Variants in FASTKD3 observed in about 807,000 individuals in gnomAD.
FASTKD3 encodes the protein FAST kinase domains 3.
Under a neutral mutation model 49.7 loss-of-function variants are expected in FASTKD3, and 47 were observed. That is an observed-to-expected ratio of 0.95 (90% CI 0.75 to 1.21). The LOEUF is 1.21. Among genes scored for constraint, FASTKD3 ranks in the 50% most tolerant of loss-of-function variants. FASTKD3 has a pLI of 0.00. For missense variants in FASTKD3, 748 were observed against 765.7 expected (o/e 0.98, Z 0.27); for synonymous variants, 284 against 288.6 (o/e 0.98, Z 0.16).
rs151272495 is a variant in FASTKD3, at chr5:7,866,749, G to C, written c.1335C>G (p.Pro445=). The C allele has an allele frequency of 1.1e-4, 171 of 1,613,854 alleles. No individual in the cohort carries two copies. In the African/African-American group the frequency reaches 1.6e-3, roughly 15 times the overall value. ...AATGAAGAAGTTTCAATAATGATTT[G>C]GGTGGAAAATAATTGAAATGAGTGA... ...VLFTHFNYFP[P]KSLLKLLHSC... is the part of the protein sequence containing the mutation. The change falls in exon 2 of 7, where the codon CCC becomes CCG. Residue 445 remains proline, a synonymous_variant. Transcript: ENST00000264669.
At chr5:7,860,248 C>T (rs1056216084) in intron 6 of FASTKD3, among the ~76,000 whole-genome samples, 6 of 152,174 alleles carry the variant, frequency 3.9e-5, no homozygotes, top group African/African-American at 1.4e-4. Context: ...GATATGAAAC[C>T]ACAGTGCTGC....
At position 7,867,921 on chromosome 5, in the gene FASTKD3, C is replaced by T. The variant is rs140095335; in HGVS notation, c.163G>A (p.Val55Ile). The T allele has an allele frequency of 1.9e-6, 3 of 1,614,072 alleles. No individual in the cohort carries two copies. The highest frequency in any genetic ancestry group is 2.5e-6 in the Non-Finnish European group (3 of 1,180,008). The change falls in exon 2 of 7, where the codon GTC (valine) becomes ATC (isoleucine). Residue 55 changes from valine (V) to isoleucine (I), a missense_variant. Val to Ile is a conservative substitution (Grantham distance 29). This residue lies in a region of FASTKD3 where 564 missense variants were observed against 562.8 expected (regional missense o/e 1.00). Coordinates refer to ENST00000264669, the MANE Select transcript of FASTKD3 (RefSeq NM_024091.4). The part of the protein sequence containing the change: ...LCSRQPEPFG[V>I]KFHHAHCKKF... The stretch of plus-strand genomic sequence containing the variant: ...TTACAATGGGCATGATGGAATTTGA[C>T]CCCGAAAGGCTCAGGTTGTCGTGAA...
At chr5:7,859,650 C>A in intron 6 of FASTKD3, 111 bp from the exon 7 acceptor site, 1 of 636,726 alleles carries the variant, frequency 1.6e-6, no homozygotes, top group Non-Finnish European at 2.6e-6. Context: ...GGAATGTAAG[C>A]TCCTGGAAGG....
Position 7,869,003 on chromosome 5 carries a change from G to C in FASTKD3, c.-138C>G. On this transcript the variant is annotated 5_prime_UTR_variant, in exon 1 of 7. Transcript: ENST00000264669. ...CCGCGCTCTGCCGGGCAATCACTCC[G>C]GGTGGTCGCGGAAGCGCCTGGGCGT... 2 of 1,044,052 alleles carry C rather than the reference G, an allele frequency of 1.9e-6. No individual in the cohort carries two copies. The highest frequency in any genetic ancestry group is 1.5e-6 in the Non-Finnish European group (1 of 672,562). 64.7% of individuals were successfully genotyped at this position (1,044,052 alleles called of 1,614,324 possible). A position where few individuals can be genotyped will look rare whatever the true frequency, so the allele number is the denominator to read the frequency against.
chr5:7,863,807 C>T (rs893325095), intron 3 of FASTKD3, among the ~76,000 whole-genome samples: 2 of 152,074 alleles, frequency 1.3e-5, no homozygotes, highest in African/African-American at 2.4e-5. Context: ...TGATTGCGTG[C>T]TTGAAAATGG....
Position 7,867,858 on chromosome 5 carries a change from G to A in FASTKD3, c.226C>T (p.Leu76Phe), listed in dbSNP as rs1747131161. 6.2e-7 allele frequency: 1 copy of A among 1,614,194 alleles called. No homozygotes were observed. The highest frequency in any genetic ancestry group is 8.5e-7 in the Non-Finnish European group (1 of 1,180,036). ...HSKNGNDLHP[L>F]GGPVFSQVSD... is the part of the protein sequence containing the mutation. Reference sequence around the variant, plus strand: ...ACTTGAGAGAACACTGGTCCACCGAGTGGATGAAGGTCATTTCCATTTTTC... The same window carrying A: ...ACTTGAGAGAACACTGGTCCACCGAATGGATGAAGGTCATTTCCATTTTTC... The change falls in exon 2 of 7, where the codon CTC (leucine) becomes TTC (phenylalanine). Residue 76 changes from leucine to phenylalanine, a missense_variant. Leu to Phe is a conservative substitution (Grantham distance 22, BLOSUM62 0). Around this residue, in one of 3 missense-constraint regions of FASTKD3, gnomAD observed 564 missense variants for 562.8 expected, o/e 1.00. Coordinates refer to ENST00000264669, the MANE Select transcript of FASTKD3 (RefSeq NM_024091.4).
rs759064295 is a variant in FASTKD3, at chr5:7,865,960, A to G, written c.1462T>C (p.Leu488=). 31 of 1,613,920 alleles carry G rather than the reference A, an allele frequency of 1.9e-5. No individual in the cohort carries two copies. Among genetic ancestry groups the G allele is most frequent in the African/African-American group, 8.0e-5 (6 of 74,926 alleles). Residue 488 remains leucine, a synonymous_variant, in exon 3 of 7, where the codon TTG becomes CTG. Coordinates refer to ENST00000264669, the MANE Select transcript of FASTKD3 (RefSeq NM_024091.4). ...AGTTGGGTCAGTTGTGCCCGACTCA[A>G]TGTGTCCAAATGAGATTCTTTACCT... ...LQGKESHLDT[L]SRAQLTQLFL...
chr5:7,861,576 C>A lies in FASTKD3; in HGVS notation c.1769+7G>T. The A allele has an allele frequency of 6.4e-7, 1 of 1,571,244 alleles. No homozygotes were observed. The highest frequency in any genetic ancestry group is 8.6e-7 in the Non-Finnish European group (1 of 1,158,002). Reference sequence around the variant, plus strand: ...TGTAATGTGAAAAACACAACATTTTCCTGTACCTTTTATGGATATCTTCAT... The same window carrying A: ...TGTAATGTGAAAAACACAACATTTTACTGTACCTTTTATGGATATCTTCAT... On this transcript the variant is annotated splice_region_variant and intron_variant, in intron 5 of 6. Coordinates refer to ENST00000264669, the MANE Select transcript of FASTKD3 (RefSeq NM_024091.4).
In FASTKD3 at chr5:7,861,206, C is replaced by A; in HGVS notation, c.1827G>T (p.Leu609=). ...GTCTTTGTTTAATAGCTTCTTTCCC[C>A]AGTAAGTGTTTGCTATTGGAGCAAA... ...KRFCSNSKHL[L]GKEAIKQRHL... is the part of the protein sequence containing the mutation. Residue 609 remains leucine (L), a synonymous_variant, in exon 6 of 7, where the codon CTG becomes CTT. Coordinates refer to ENST00000264669, the MANE Select transcript of FASTKD3 (RefSeq NM_024091.4). 6.2e-7 allele frequency: 1 copy of A among 1,612,698 alleles called. No individual in the cohort carries two copies.
chr5:7,865,889 T>C lies in FASTKD3; in HGVS notation c.1524+9A>G, dbSNP rs1217435319. 1.2e-6 allele frequency: 2 copies of C among 1,609,698 alleles called. No individual in the cohort carries two copies. The highest frequency in any genetic ancestry group is 1.3e-5 in the African/African-American group (1 of 74,850). ...GGGAAATAAAGCCACATATAGTTCATGCTTTTACCTTATAGAAAGGGCATT... is the reference window on the plus strand; with the variant it reads ...GGGAAATAAAGCCACATATAGTTCACGCTTTTACCTTATAGAAAGGGCATT... On this transcript the variant is annotated intron_variant, in intron 3 of 6. Coordinates refer to ENST00000264669, the MANE Select transcript of FASTKD3 (RefSeq NM_024091.4).
intron 4 of FASTKD3, among the ~76,000 whole-genome samples, chr5:7,862,443 C>A (rs958962242): frequency 2.0e-5 from 3 of 152,112 alleles, no homozygotes; most frequent in African/African-American, 7.2e-5. Flanking sequence ...CTAGTGGCTA[C>A]TATATTTGGA....
chr5:7,869,020 C>G lies in FASTKD3; in HGVS notation c.-155G>C, dbSNP rs190642147. 1.6e-6 allele frequency: 2 copies of G among 1,287,754 alleles called. No homozygotes were observed. Among genetic ancestry groups the G allele is most frequent in the Admixed American group, 1.7e-5 (1 of 59,308 alleles). The allele number at this position is 1,287,754 out of a possible 1,614,324, so 79.8% of individuals were successfully genotyped here. On this transcript the variant is annotated 5_prime_UTR_variant, in exon 1 of 7. Transcript: ENST00000264669. Reference sequence around the variant, plus strand: ...ATCACTCCGGGTGGTCGCGGAAGCGCCTGGGCGTCGTGGGCCTCCGTAGCA... The same window carrying G: ...ATCACTCCGGGTGGTCGCGGAAGCGGCTGGGCGTCGTGGGCCTCCGTAGCA...
rs767853842 is a variant in FASTKD3 at position 7,867,397 on chromosome 5, G to A, written c.687C>T (p.His229=). ...GTTCTAGTGTCACACAACCTGAACTGTGCAGTGTAATCAGACTTTCCCCAA... is the reference window on the plus strand; with the variant it reads ...GTTCTAGTGTCACACAACCTGAACTATGCAGTGTAATCAGACTTTCCCCAA... The part of the protein sequence containing the change: ...CILGESLITL[H]SSGCVTLELI... The change falls in exon 2 of 7, where the codon CAC becomes CAT. Residue 229 remains histidine (H), a synonymous_variant. Transcript: ENST00000264669. 6 of 1,614,082 alleles carry A rather than the reference G, an allele frequency of 3.7e-6. No homozygotes were observed. The African/African-American group carries it at 4.0e-5, about 11-fold the overall frequency.
At position 7,866,733 on chromosome 5, in the gene FASTKD3, G is replaced by A. The variant is rs1473985705; in HGVS notation, c.1351C>T (p.Leu451Phe). The A allele has an allele frequency of 1.9e-6, 3 of 1,613,878 alleles. No homozygotes were observed. The South Asian group carries it at 3.3e-5, about 18-fold the overall frequency. The change falls in exon 2 of 7, where the codon CTT becomes TTT. Residue 451 changes from leucine (L) to phenylalanine (F), a missense_variant. Leu to Phe is a conservative substitution (Grantham distance 22). Coordinates refer to ENST00000264669, the MANE Select transcript of FASTKD3 (RefSeq NM_024091.4). ...TCATTAAGTGAACATGAATGAAGAA[G>A]TTTCAATAATGATTTGGGTGGAAAA... ...NYFPPKSLLK[L>F]LHSCSLNECH...
chr5:7,867,386 C>G lies in FASTKD3; in HGVS notation c.698G>C (p.Cys233Ser), dbSNP rs375098518. The change falls in exon 2 of 7, where the codon TGT (cysteine) becomes TCT (serine). Residue 233 changes from cysteine to serine, a missense_variant. Cys to Ser is a moderately radical substitution (Grantham distance 112). Around this residue, in one of 3 missense-constraint regions of FASTKD3, gnomAD observed 564 missense variants for 562.8 expected, o/e 1.00. Transcript: ENST00000264669. ...ATTTATAATGAGTTCTAGTGTCACA[C>G]AACCTGAACTGTGCAGTGTAATCAG... ...ESLITLHSSG[C>S]VTLELIINQL... The G allele has an allele frequency of 1.9e-6, 3 of 1,614,080 alleles. No individual in the cohort carries two copies. Among genetic ancestry groups the G allele is most frequent in the Non-Finnish European group, 2.5e-6 (3 of 1,180,044 alleles).
In FASTKD3 at chr5:7,866,730, G is replaced by A. The variant is rs1184951070; in HGVS notation, c.1354C>T (p.Leu452Phe). 6.2e-7 allele frequency: 1 copy of A among 1,613,824 alleles called. No homozygotes were observed. The highest frequency in any genetic ancestry group is 1.1e-5 in the South Asian group (1 of 90,864). Residue 452 changes from leucine (L) to phenylalanine (F), a missense_variant, in exon 2 of 7, where the codon CTT becomes TTT. Physicochemically the swap from Leu to Phe is conservative, Grantham distance 22. Coordinates refer to ENST00000264669, the MANE Select transcript of FASTKD3 (RefSeq NM_024091.4). The stretch of plus-strand genomic sequence containing the variant: ...CATTCATTAAGTGAACATGAATGAA[G>A]AAGTTTCAATAATGATTTGGGTGGA... ...YFPPKSLLKL[L>F]HSCSLNECHP...
At chr5:7,861,126 A>C (rs776732760) in intron 6 of FASTKD3, 23 bp downstream of exon 6, 2 of 1,343,898 alleles carry the variant, frequency 1.5e-6, no homozygotes, top group African/African-American at 2.9e-5. Flanking sequence ...TTTGGGAAAC[A>C]AAAAAAATAG....
chr5:7,868,787 CAG>C (rs1204330971), intron 1 of FASTKD3, among the ~76,000 whole-genome samples, 190 bp downstream of exon 1: 1 of 152,212 alleles, frequency 6.6e-6, no homozygotes, highest in Non-Finnish European at 1.5e-5. Context: ...GTGTGCAAGA[CAG>C]ACAGACGGGA....
intron 4 of FASTKD3, 82 bp downstream of exon 4, chr5:7,862,741 C>G: frequency 8.2e-7 from 1 of 1,217,720 alleles, no homozygotes; most frequent in Non-Finnish European, 1.2e-6. Context: ...CAGAGAACTT[C>G]TATTGCTTCT....
Sources: allele counts gnomAD v4.1 joint callset (sites outside exome capture counted in the v4.1 genomes callset), GRCh38; gene constraint gnomAD v4.1.1; regional missense constraint gnomAD v4.1.1; transcripts MANE v1.5; gene names NCBI Gene and HGNC (gene_info 2026-07-23, HGNC 2026-07-21).